Variants in KCNH5 observed in about 807,000 individuals in gnomAD.
The protein encoded by KCNH5 is potassium voltage-gated channel subfamily H member 5.
KCNH5 carries 46 observed loss-of-function variants against 96.1 expected under a neutral mutation model. The ratio of observed to expected loss-of-function variants is 0.48; its 90% CI spans 0.38 to 0.61. The LOEUF is 0.61. Among genes scored for constraint, KCNH5 ranks in the 20% least tolerant of loss-of-function variants. The pLI, the probability that KCNH5 is intolerant of heterozygous loss-of-function variation, is 0.00. For missense variants in KCNH5, 907 were observed against 1,225.8 expected, an observed-to-expected ratio of 0.74 and a Z score of 3.88; for synonymous variants, 439 against 449.8, an observed-to-expected ratio of 0.98 and a Z score of 0.30.
intron 10 of KCNH5, chr14:62,712,197 G>A (rs1281467978): frequency 3.0e-5 from 1 of 33,400 alleles, no homozygotes; most frequent in African/African-American, 4.9e-5. Context: ...GTTTTTAAGA[G>A]GTAGTTTTTT....
At chr14:62,799,795 ATT>A (rs961495564) in intron 9 of KCNH5, among the ~76,000 whole-genome samples, 10 of 138,028 alleles carry the variant, frequency 7.2e-5, no homozygotes, top group African/African-American at 2.6e-4. Flanking sequence ...TATTTAATAT[ATT>A]ATATATTTAA....
intron 7 of KCNH5, among the ~76,000 whole-genome samples, chr14:62,944,824 C>T (rs1435912982): frequency 6.6e-6 from 1 of 152,106 alleles, no homozygotes; most frequent in East Asian, 1.9e-4. Flanking sequence ...CCCTGGAATA[C>T]TCTGGCTATA....
intron 7 of KCNH5, among the ~76,000 whole-genome samples, chr14:62,880,443 G>A (rs913460307): frequency 3.3e-5 from 5 of 152,160 alleles, no homozygotes; most frequent in African/African-American, 1.2e-4. Flanking sequence ...AGGCAAAAGA[G>A]TAAAAACCAG....
chr14:62,707,869 G>C lies in KCNH5; in HGVS notation c.2606C>G (p.Thr869Arg). The C allele has an allele frequency of 1.9e-6, 3 of 1,614,140 alleles. No homozygotes were observed. Among genetic ancestry groups the C allele is most frequent in the Non-Finnish European group, 2.5e-6 (3 of 1,180,028 alleles). The change falls in exon 11 of 11, where the codon ACA (threonine) becomes AGA (arginine). Residue 869 changes from threonine to arginine, a missense_variant. This residue lies in a region of KCNH5 where 362 missense variants were observed against 394.4 expected (regional missense o/e 0.92). Transcript: ENST00000322893. ...CTTATCCAAACGAAGGTCACTTTTT[G>C]TAATTCCACTGTCACAAGAATCTGT... Reference protein sequence around the residue: ...RKTDSCDSGITKSDLRLDKAG... With the variant: ...RKTDSCDSGIRKSDLRLDKAG...
chr14:63,016,770 T>A (rs1457694730), intron 2 of KCNH5, 61 bp downstream of exon 2: 18 of 1,555,988 alleles, frequency 1.2e-5, no homozygotes, highest in Non-Finnish European at 1.5e-5. Flanking sequence ...TTAAGCCTTT[T>A]AATTACATTC....
intron 8 of KCNH5, among the ~76,000 whole-genome samples, chr14:62,813,851 T>C (rs1343811487): frequency 6.6e-6 from 1 of 152,156 alleles, no homozygotes; most frequent in African/African-American, 2.4e-5. Flanking sequence ...CATTCATTTC[T>C]TGGGAAGAAA....
rs1885079543 is a variant in KCNH5, at chr14:62,732,869, T to TA, written c.2020-24415dup. On this transcript the variant is annotated intron_variant, in intron 10 of 10. Coordinates refer to ENST00000322893, the MANE Select transcript of KCNH5 (RefSeq NM_139318.5). ...GGCAACCCTCTTGATACGGTCTTGA[T>TA]ACAGTTTCTCTCTTTCTGTCTCTCT... Among the ~76,000 whole-genome samples, 5 of 152,230 alleles carry TA rather than the reference T, an allele frequency of 3.3e-5. No homozygotes were observed. In the South Asian group the frequency reaches 1.0e-3, roughly 32 times the overall value.
chr14:62,735,018 C>G (rs1342597243), intron 10 of KCNH5, among the ~76,000 whole-genome samples: 1 of 152,084 alleles, frequency 6.6e-6, no homozygotes, highest in African/African-American at 2.4e-5. Flanking sequence ...CAAGTGCAGA[C>G]AAGTCCTTGG....
At chr14:62,911,995 G>GC (rs1029123571) in intron 7 of KCNH5, among the ~76,000 whole-genome samples, 2 of 141,060 alleles carry the variant, frequency 1.4e-5, no homozygotes, top group Non-Finnish European at 3.0e-5. Context: ...CCGAGATCAT[G>GC]CCACTGCATT....
chr14:62,756,314 G>A (rs1334636704), intron 10 of KCNH5, among the ~76,000 whole-genome samples: 1 of 151,960 alleles, frequency 6.6e-6, no homozygotes, highest in African/African-American at 2.4e-5. Context: ...AGAGAAAAGT[G>A]GAAAGATATT....
chr14:62,889,831 C>G (rs1888669519), intron 7 of KCNH5, among the ~76,000 whole-genome samples: 1 of 152,152 alleles, frequency 6.6e-6, no homozygotes, highest in Non-Finnish European at 1.5e-5. Context: ...AGCTAATTAT[C>G]CATGGGTATT....
chr14:62,750,770 T>C (rs1844510), intron 10 of KCNH5, among the ~76,000 whole-genome samples: 68,967 of 152,058 alleles, frequency 0.45, 17,253 homozygotes, highest in South Asian at 0.77. Flanking sequence ...CTTAAATCTT[T>C]TCTTAATTGC....
intron 7 of KCNH5, among the ~76,000 whole-genome samples, chr14:62,912,799 C>T (rs1889196336): frequency 6.6e-6 from 1 of 152,176 alleles, no homozygotes; most frequent in African/African-American, 2.4e-5. Flanking sequence ...TCATAAGCCA[C>T]TTTAAGTGTG....
At chr14:62,853,480 T>TATATATATAATA (rs1887863259) in intron 7 of KCNH5, among the ~76,000 whole-genome samples, 1 of 48,786 alleles carries the variant, frequency 2.0e-5, no homozygotes, top group African/African-American at 5.8e-5. Context: ...TATATATATA[T>TATATATATAATA]CATATATATA....
At position 62,737,092 on chromosome 14, in the gene KCNH5, C is replaced by T. The variant is rs549326745; in HGVS notation, c.2020-28637G>A. On this transcript the variant is annotated intron_variant, in intron 10 of 10. Transcript: ENST00000322893. ...CAGTTTTTTAATGAGGTCTAATTAT[C>T]CTACATACAATTGCAACCCTCCACA... is the stretch of plus-strand genomic sequence containing the variant. 8.3e-4 allele frequency among the ~76,000 whole-genome samples: 127 copies of T among 152,222 alleles called. 1 individual carries two copies. Among genetic ancestry groups the T allele is most frequent in the African/African-American group, 3.0e-3 (125 of 41,544 alleles).
chr14:62,893,971 A>G (rs570526481), intron 7 of KCNH5, among the ~76,000 whole-genome samples: 1 of 152,224 alleles, frequency 6.6e-6, no homozygotes, highest in Non-Finnish European at 1.5e-5. Flanking sequence ...GTCAGCAGCT[A>G]TCTACGTATG....
intron 7 of KCNH5, among the ~76,000 whole-genome samples, chr14:62,919,133 C>A (rs976359485): frequency 6.6e-6 from 1 of 151,920 alleles, no homozygotes; most frequent in Non-Finnish European, 1.5e-5. Flanking sequence ...CATAAAAATG[C>A]TATATTTATA....
chr14:62,921,523 C>T (rs905082829), intron 7 of KCNH5, among the ~76,000 whole-genome samples: 2 of 152,094 alleles, frequency 1.3e-5, no homozygotes, highest in African/African-American at 4.8e-5. Flanking sequence ...TTGGAGATGA[C>T]TTCAGCCTGG....
intron 10 of KCNH5, among the ~76,000 whole-genome samples, chr14:62,766,619 T>TA (rs1290356859): frequency 6.6e-6 from 1 of 152,020 alleles, no homozygotes; most frequent in Non-Finnish European, 1.5e-5. Flanking sequence ...TTGTGGGGTC[T>TA]AAAAAAATCA....
Sources: allele counts gnomAD v4.1 joint callset (sites outside exome capture counted in the v4.1 genomes callset), GRCh38; gene constraint gnomAD v4.1.1; regional missense constraint gnomAD v4.1.1; transcripts MANE v1.5; gene names NCBI Gene and HGNC (gene_info 2026-07-23, HGNC 2026-07-21).